The following ZSCAN10 variants were observed in gnomAD, a reference collection of about 807,000 sequenced individuals.
ZSCAN10 encodes the protein zinc finger and SCAN domain-containing protein 10.
Under a neutral mutation model 63.7 loss-of-function variants are expected in ZSCAN10, and 52 were observed. That is an observed-to-expected ratio of 0.82 (90% CI 0.65 to 1.03). ZSCAN10 has a LOEUF of 1.03. ZSCAN10 is among the 50% of genes least tolerant of loss of function. The pLI is 0.00. For synonymous variants in ZSCAN10, 544 were observed against 479.6 expected (o/e 1.13, Z -1.76); for missense variants, 1,223 against 1,103.8 (o/e 1.11, Z -1.53).
In ZSCAN10 at chr16:3,090,501, G is replaced by T; in HGVS notation, c.933C>A (p.Gly311=). The T allele has an allele frequency of 6.2e-7, 1 of 1,613,228 alleles. No homozygotes were observed. The highest frequency in any genetic ancestry group is 1.1e-5 in the South Asian group (1 of 91,066). ...CTTCACCAGGGCCGCTAGCCGCAGC[G>T]CCCCGTCCGAGCGACTGGGCGCAAG... The part of the protein sequence containing the change: ...GEPCAQSLGR[G]AAASGPGEDG... The change falls in exon 6 of 6, where the codon GGC becomes GGA. Residue 311 remains glycine (G), a synonymous_variant. Coordinates refer to ENST00000576985, the MANE Select transcript of ZSCAN10 (RefSeq NM_032805.3).
rs563547082 is a variant in ZSCAN10 at position 3,092,131 on chromosome 16, C to T, written c.582G>A (p.Pro194=). 31 of 1,612,886 alleles carry T rather than the reference C, an allele frequency of 1.9e-5. No individual in the cohort carries two copies. The East Asian group carries it at 2.2e-4, about 12-fold the overall frequency. Residue 194 remains proline (P), a synonymous_variant, in exon 3 of 6, where the codon CCG becomes CCA. Coordinates refer to ENST00000576985, the MANE Select transcript of ZSCAN10 (RefSeq NM_032805.3). ...PQPRAAQPAE[P]GQWRLPPSSK... is the part of the protein sequence containing the mutation. ...AACTTGGGGGAAGCCTCCACTGTCC[C>T]GGCTCAGCAGGCTGGGCAGCCCTTG...
rs1219004207 is a variant in ZSCAN10 at position 3,089,889 on chromosome 16, C to CCGG, written c.1542_1544dup (p.Arg515dup). On this transcript the variant is annotated inframe_insertion, in exon 6 of 6. Transcript: ENST00000576985. ...ACACGAAGGGCCTCCGGTCGGAGTCCCGGCGGCGGCTGCCGGAGCCTTCGG... is the reference window on the plus strand; with the variant it reads ...ACACGAAGGGCCTCCGGTCGGAGTCCCGGCGGCGGCGGCTGCCGGAGCCTTCGG... The CCGG allele has an allele frequency of 6.5e-7, 1 of 1,535,258 alleles. No individual in the cohort carries two copies.
At position 3,089,792 on chromosome 16, in the gene ZSCAN10, G is replaced by T; in HGVS notation, c.1642C>A (p.Arg548=). 6.3e-7 allele frequency: 1 copy of T among 1,588,570 alleles called. No homozygotes were observed. The highest frequency in any genetic ancestry group is 1.1e-5 in the South Asian group (1 of 89,506). Residue 548 remains arginine, a synonymous_variant, in exon 6 of 6, where the codon CGG becomes AGG. Transcript: ENST00000576985. ...CCGCAAGCCTGGCAGGAGAAGGGCC[G>T]CTCGCCCGTGTGCACCCTCCGGTGG... ...VAHRRVHTGE[R]PFSCQACGRS...
Position 3,088,943 on chromosome 16 carries a change from A to G in ZSCAN10, c.*148T>C. 7.4e-7 allele frequency: 1 copy of G among 1,351,274 alleles called. No homozygotes were observed. The highest frequency in any genetic ancestry group is 9.5e-7 in the Non-Finnish European group (1 of 1,052,294). The allele number at this position is 1,351,274 out of a possible 1,614,324, so 83.7% of individuals were successfully genotyped here. ...GTTTTAATTACATAGCTGAGGCCAGAAAGCAATGCCTCGGCCAGGGAAGGA... is the reference window on the plus strand; with the variant it reads ...GTTTTAATTACATAGCTGAGGCCAGGAAGCAATGCCTCGGCCAGGGAAGGA... On this transcript the variant is annotated 3_prime_UTR_variant, in exon 6 of 6. Transcript: ENST00000576985.
At position 3,092,971 on chromosome 16, in the gene ZSCAN10, C is replaced by A; in HGVS notation, c.-34G>T. The A allele has an allele frequency of 7.1e-7, 1 of 1,403,320 alleles. No individual in the cohort carries two copies. The highest frequency in any genetic ancestry group is 1.6e-5 in the South Asian group (1 of 62,434). The allele number at this position is 1,403,320 out of a possible 1,614,324, so 86.9% of individuals were successfully genotyped here. On this transcript the variant is annotated 5_prime_UTR_variant, in exon 2 of 6. Coordinates refer to ENST00000576985, the MANE Select transcript of ZSCAN10 (RefSeq NM_032805.3). Reference sequence around the variant, plus strand: ...GCGGGGATGCCTCCCTAACGCCAGCCCCGCTCTTGGGTCTCTCTCCTCTCC... The same window carrying A: ...GCGGGGATGCCTCCCTAACGCCAGCACCGCTCTTGGGTCTCTCTCCTCTCC...
At chr16:3,098,042 C>CAAAA (rs371407228) in intron 1 of ZSCAN10, among the ~76,000 whole-genome samples, 58 of 41,168 alleles carry the variant, frequency 1.4e-3, no homozygotes, top group East Asian at 5.1e-3. Context: ...GACCCTGTCT[C>CAAAA]AAAAAAAAAA....
chr16:3,093,337 C>T (rs1259007399), intron 1 of ZSCAN10: 1 of 156,074 alleles, frequency 6.4e-6, no homozygotes, highest in Non-Finnish European at 1.4e-5. Flanking sequence ...ACCATCCTGG[C>T]TAACGCGGTG....
Position 3,090,463 on chromosome 16 carries a change from A to C in ZSCAN10, c.971T>G (p.Leu324Arg), listed in dbSNP as rs1957057700. The change falls in exon 6 of 6, where the codon CTT (leucine) becomes CGT (arginine). Residue 324 changes from leucine to arginine, a missense_variant. Leu to Arg is a moderately radical substitution (Grantham distance 102). Transcript: ENST00000576985. ...ASGPGEDGSL[L>R]GSSEILEVKV... Reference sequence around the variant, plus strand: ...GACCTCCAAAATTTCACTGCTGCCAAGAAGGGACCCATCTTCACCAGGGCC... The same window carrying C: ...GACCTCCAAAATTTCACTGCTGCCACGAAGGGACCCATCTTCACCAGGGCC... 6.2e-7 allele frequency: 1 copy of C among 1,613,816 alleles called. No individual in the cohort carries two copies. Among genetic ancestry groups the C allele is most frequent in the Non-Finnish European group, 8.5e-7 (1 of 1,179,946 alleles).
intron 1 of ZSCAN10, among the ~76,000 whole-genome samples, chr16:3,093,584 A>G (rs1026095422): frequency 6.6e-6 from 1 of 151,864 alleles, no homozygotes; most frequent in Non-Finnish European, 1.5e-5. Flanking sequence ...TGAAAGAGAA[A>G]CACCCTGCCC....
At chr16:3,090,903 A>G (rs1327115989) in intron 5 of ZSCAN10, among the ~76,000 whole-genome samples, 1 of 152,016 alleles carries the variant, frequency 6.6e-6, no homozygotes, top group African/African-American at 2.4e-5. Flanking sequence ...AAAAAAAAAA[A>G]AAAAACCAAA....
rs374166778 is a variant in ZSCAN10, at chr16:3,091,544, G to T, written c.783C>A (p.Pro261=). Residue 261 remains proline, a synonymous_variant, in exon 5 of 6, where the codon CCC becomes CCA. Transcript: ENST00000576985. The part of the protein sequence containing the change: ...VPENKAWPAH[P]LGFGSRTPDK... ...CTCCAGGGAAGGGTTGCTTACCCAG[G>T]GGGTGTGCAGGCCACGCCTTATTCT... is the stretch of plus-strand genomic sequence containing the variant. 1.2e-5 allele frequency: 19 copies of T among 1,614,144 alleles called. No individual in the cohort carries two copies. The highest frequency in any genetic ancestry group is 1.6e-5 in the Non-Finnish European group (19 of 1,180,010).
At position 3,089,829 on chromosome 16, in the gene ZSCAN10, C is replaced by T. The variant is rs764394326; in HGVS notation, c.1605G>A (p.Glu535=). The T allele has an allele frequency of 9.0e-6, 14 of 1,562,278 alleles. No individual in the cohort carries two copies. Among genetic ancestry groups the T allele is most frequent in the Non-Finnish European group, 1.1e-5 (13 of 1,160,874 alleles). ...SDCGKAFRRS[E]HLVAHRRVHT... The stretch of plus-strand genomic sequence containing the variant: ...GCACCCTCCGGTGGGCCACCAGGTG[C>T]TCGCTGCGCCGGAAGGCCTTGCCGC... The change falls in exon 6 of 6, where the codon GAG becomes GAA. Residue 535 remains glutamate, a synonymous_variant. Transcript: ENST00000576985.
chr16:3,096,224 G>C (rs1049781099), intron 1 of ZSCAN10, among the ~76,000 whole-genome samples: 78 of 152,328 alleles, frequency 5.1e-4, no homozygotes, highest in African/African-American at 1.5e-3. Flanking sequence ...GAGCAGAGCA[G>C]AGCAGGCTCA....
Position 3,089,536 on chromosome 16 carries a change from G to C in ZSCAN10, c.1898C>G (p.Pro633Arg), listed in dbSNP as rs750416819. 1.9e-6 allele frequency: 3 copies of C among 1,602,772 alleles called. No individual in the cohort carries two copies. Among genetic ancestry groups the C allele is most frequent in the Non-Finnish European group, 2.6e-6 (3 of 1,175,442 alleles). Residue 633 changes from proline (P) to arginine (R), a missense_variant, in exon 6 of 6, where the codon CCC (proline) becomes CGC (arginine). By Grantham distance (103) the Pro-to-Arg change is moderately radical. Coordinates refer to ENST00000576985, the MANE Select transcript of ZSCAN10 (RefSeq NM_032805.3). ...RHQRSHTGEKPCRCSECGEGF... is the reference protein window; with the variant it reads ...RHQRSHTGEKRCRCSECGEGF... The stretch of plus-strand genomic sequence containing the variant: ...CTCACCGCACTCGCTGCAGCGGCAG[G>C]GCTTCTCGCCCGTGTGGCTGCGCTG...
chr16:3,092,580 C>T lies in ZSCAN10; in HGVS notation c.358G>A (p.Glu120Lys), dbSNP rs532142060. ...RDGEEVVLLL[E>K]GIHREPSHAG... is the part of the protein sequence containing the mutation. ...TGGCTGGGCTCCCGGTGGATGCCCT[C>T]GAGCAGCAGCACCACCTCCTCCCCA... Residue 120 changes from glutamate to lysine, a missense_variant, in exon 2 of 6, where the codon GAG becomes AAG. By Grantham distance (56) the Glu-to-Lys change is moderately conservative. Transcript: ENST00000576985. 6 of 1,575,454 alleles carry T rather than the reference C, an allele frequency of 3.8e-6. No homozygotes were observed. The Admixed American group carries it at 5.5e-5, about 14-fold the overall frequency.
chr16:3,097,927 C>T (rs1344352605), intron 1 of ZSCAN10, among the ~76,000 whole-genome samples: 2 of 151,016 alleles, frequency 1.3e-5, no homozygotes. Flanking sequence ...CTTATAATCC[C>T]AGCATTTTGG....
In ZSCAN10 at chr16:3,092,717, C is replaced by T. The variant is rs779052379; in HGVS notation, c.221G>A (p.Arg74Gln). ...RLRELCGHWL[R>Q]PALHTKKQIL... is the part of the protein sequence containing the mutation. ...CTGTTTCTTGGTGTGCAGAGCCGGC[C>T]GCAGCCAGTGGCCGCAGAGCTCCCG... Residue 74 changes from arginine (R) to glutamine (Q), a missense_variant, in exon 2 of 6, where the codon CGG becomes CAG. By Grantham distance (43) the Arg-to-Gln change is conservative. Transcript: ENST00000576985. 6.2e-6 allele frequency: 10 copies of T among 1,612,916 alleles called. No homozygotes were observed. Among genetic ancestry groups the T allele is most frequent in the Admixed American group, 3.3e-5 (2 of 59,960 alleles).
intron 2 of ZSCAN10, 64 bp from the exon 3 acceptor site, chr16:3,092,380 G>A (rs1385366377): frequency 2.6e-6 from 4 of 1,538,244 alleles, no homozygotes; most frequent in Non-Finnish European, 3.5e-6. Flanking sequence ...GACTCCGAGG[G>A]GACATGGGAC....
At chr16:3,094,905 T>G (rs1957135067) in intron 1 of ZSCAN10, among the ~76,000 whole-genome samples, 2 of 150,502 alleles carry the variant, frequency 1.3e-5, no homozygotes, top group Admixed American at 1.3e-4. Flanking sequence ...ATGGTGGGGA[T>G]ACTAGATGAT....
Sources: allele counts gnomAD v4.1 joint callset (sites outside exome capture counted in the v4.1 genomes callset), GRCh38; gene constraint gnomAD v4.1.1; transcripts MANE v1.5; gene names NCBI Gene and HGNC (gene_info 2026-07-23, HGNC 2026-07-21).